The following FAT3 variants were observed in gnomAD, a reference collection of about 807,000 sequenced individuals.
The protein encoded by FAT3 is protocadherin Fat 3.
Under a neutral mutation model 310.2 loss-of-function variants are expected in FAT3, and 95 were observed. The observed-to-expected ratio is 0.31, with a 90% CI of 0.26 to 0.36. FAT3 has a LOEUF of 0.36. Among genes scored for constraint, FAT3 ranks in the 10% least tolerant of loss-of-function variants. The probability of loss-of-function intolerance (pLI) is 1.00; values close to 1 mark genes in which losing one functional copy is unlikely to be tolerated. For missense variants in FAT3, 5,408 were observed against 5,715.6 expected (o/e 0.95, Z 1.74); for synonymous variants, 2,314 against 2,192.9 (o/e 1.06, Z -1.54).
intron 1 of FAT3, among the ~76,000 whole-genome samples, chr11:92,344,258 A>G (rs1948350373): frequency 6.6e-6 from 1 of 152,188 alleles, no homozygotes; most frequent in Non-Finnish European, 1.5e-5. Context: ...ACCATTCATA[A>G]GTTTTCAATT....
intron 1 of FAT3, among the ~76,000 whole-genome samples, chr11:92,350,717 G>A (rs901310664): frequency 6.6e-5 from 10 of 151,768 alleles, no homozygotes; most frequent in Non-Finnish European, 1.2e-4. Context: ...ATGTCATTGG[G>A]TAAAATAGTA....
chr11:92,732,547 G>T (rs1052893111), intron 4 of FAT3, among the ~76,000 whole-genome samples: 5 of 152,152 alleles, frequency 3.3e-5, no homozygotes, highest in Non-Finnish European at 5.9e-5. Flanking sequence ...TCATCTGACA[G>T]TAGAGAATCA....
intron 2 of FAT3, among the ~76,000 whole-genome samples, chr11:92,490,834 G>A (rs1415535140): frequency 6.6e-6 from 1 of 152,036 alleles, no homozygotes; most frequent in Non-Finnish European, 1.5e-5. Context: ...ATCTTGCTAG[G>A]CAGCTTGATG....
chr11:92,291,048 T>A (rs545799498), intron 1 of FAT3, among the ~76,000 whole-genome samples: 2 of 150,526 alleles, frequency 1.3e-5, no homozygotes, highest in South Asian at 4.2e-4. Flanking sequence ...TAACACTCAT[T>A]AAGCTCTTAC....
At chr11:92,383,244 G>A (rs1046260439) in intron 2 of FAT3, among the ~76,000 whole-genome samples, 6 of 152,214 alleles carry the variant, frequency 3.9e-5, no homozygotes, top group Non-Finnish European at 8.8e-5. Flanking sequence ...GTCACTGATG[G>A]ACGTTTAGGT....
At position 92,864,765 on chromosome 11, in the gene FAT3, C is replaced by T. The variant is rs143475530; in HGVS notation, c.11659-1976C>T. 4.0e-3 allele frequency among the ~76,000 whole-genome samples: 609 copies of T among 152,002 alleles called. 8 individuals carry two copies. Among genetic ancestry groups the T allele is most frequent in the African/African-American group, 0.014 (562 of 41,428 alleles). On this transcript the variant is annotated intron_variant, in intron 21 of 27. Coordinates refer to ENST00000525166, the MANE Select transcript of FAT3 (RefSeq NM_001367949.2). ...CAGGGAGTTGGATGTTGCAGTGAGC[C>T]GAGATCATGCCACTGCACTCCAGCC...
At chr11:92,705,421 G>GTGA (rs1944255030) in intron 4 of FAT3, among the ~76,000 whole-genome samples, 1 of 50,926 alleles carries the variant, frequency 2.0e-5, no homozygotes, top group Non-Finnish European at 4.3e-5. Flanking sequence ...GATGGTGGTA[G>GTGA]TGGTGGTGGT....
At chr11:92,400,676 T>C (rs2134863496) in intron 2 of FAT3, 1 of 152,054 alleles carries the variant, frequency 6.6e-6, no homozygotes, top group Middle Eastern at 3.4e-3. Flanking sequence ...GACATTTAAA[T>C]ACTAGATAAG....
chr11:92,785,862 G>A (rs1385229902), intron 7 of FAT3, among the ~76,000 whole-genome samples: 1 of 152,088 alleles, frequency 6.6e-6, no homozygotes, highest in Non-Finnish European at 1.5e-5. Flanking sequence ...GAACAAGTGA[G>A]AATAGCAAGG....
chr11:92,752,826 T>C (rs1465739895), intron 4 of FAT3, among the ~76,000 whole-genome samples: 1 of 152,142 alleles, frequency 6.6e-6, no homozygotes, highest in Non-Finnish European at 1.5e-5. Flanking sequence ...TCTGAGTAAG[T>C]TTAATATGCG....
At chr11:92,573,236 C>T (rs925634385) in intron 3 of FAT3, among the ~76,000 whole-genome samples, 2 of 152,032 alleles carry the variant, frequency 1.3e-5, no homozygotes, top group Admixed American at 6.6e-5. Flanking sequence ...ATAGGTGTGC[C>T]GTGGGATGAC....
intron 3 of FAT3, among the ~76,000 whole-genome samples, chr11:92,659,366 A>T (rs888860555): frequency 3.3e-5 from 5 of 152,190 alleles, no homozygotes; most frequent in Non-Finnish European, 7.3e-5. Context: ...ATTTTGTTGT[A>T]CATTGAGTTT....
At chr11:92,539,278 T>G (rs2135406514) in intron 3 of FAT3, among the ~76,000 whole-genome samples, 1 of 152,318 alleles carries the variant, frequency 6.6e-6, no homozygotes, top group African/African-American at 2.4e-5. Context: ...TTAAGTATTT[T>G]TATTGCCCAA....
chr11:92,806,900 C>A (rs1407395202), intron 12 of FAT3, among the ~76,000 whole-genome samples: 2 of 151,980 alleles, frequency 1.3e-5, no homozygotes. Context: ...GTAAATAATT[C>A]TCCTAGGAAA....
intron 2 of FAT3, chr11:92,367,091 T>C (rs1205257990): frequency 2.2e-6 from 1 of 454,714 alleles, no homozygotes; most frequent in Non-Finnish European, 4.4e-6. Flanking sequence ...GTGAAGCAGG[T>C]GTCAAATTCA....
intron 2 of FAT3, among the ~76,000 whole-genome samples, chr11:92,506,072 A>C (rs982943615): frequency 6.6e-6 from 1 of 152,186 alleles, no homozygotes; most frequent in African/African-American, 2.4e-5. Context: ...TTGGGCAGGT[A>C]GCTGGTCAGA....
chr11:92,366,544 G>A (rs149171243), intron 2 of FAT3: 27 of 494,428 alleles, frequency 5.5e-5, no homozygotes, highest in Middle Eastern at 7.6e-4. Flanking sequence ...TGGCTTTACC[G>A]ATCATCCCCC....
chr11:92,670,895 T>C (rs1167240082), intron 3 of FAT3, among the ~76,000 whole-genome samples: 2 of 152,232 alleles, frequency 1.3e-5, no homozygotes, highest in Non-Finnish European at 2.9e-5. Flanking sequence ...CAATCAGTCA[T>C]GTCACTCCTT....
At chr11:92,555,967 G>T (rs1205177737) in intron 3 of FAT3, among the ~76,000 whole-genome samples, 4 of 152,296 alleles carry the variant, frequency 2.6e-5, no homozygotes, top group Admixed American at 1.3e-4. Flanking sequence ...GCCTCGGTCT[G>T]CTCGGTTTAA....
Sources: gnomAD v4.1 joint callset for allele counts (sites outside exome capture counted in the v4.1 genomes callset) on GRCh38, gnomAD v4.1.1 for gene constraint, MANE v1.5 for transcripts, NCBI Gene and HGNC (gene_info 2026-07-23, HGNC 2026-07-21) for gene names.